LRRC69: variants seen among roughly 807,000 people sequenced by gnomAD.
LRRC69 encodes the protein leucine rich repeat containing 69.
LRRC69 carries 42 observed loss-of-function variants against 37.8 expected under a neutral mutation model. The observed-to-expected ratio is 1.11, with a 90% confidence interval of 0.87 to 1.44. The LOEUF (loss-of-function observed/expected upper bound fraction) is 1.44. Ranked by LOEUF, LRRC69 falls within the 40% of genes most tolerant of loss-of-function variation. The pLI is 0.00. For missense variants in LRRC69, 357 were observed against 401.9 expected, an observed-to-expected ratio of 0.89 and a Z score of 0.96; for synonymous variants, 141 against 143.1, an observed-to-expected ratio of 0.99 and a Z score of 0.11.
At chr8:91,140,067 G>A (rs891273450) in intron 5 of LRRC69, among the ~76,000 whole-genome samples, 4 of 139,678 alleles carry the variant, frequency 2.9e-5, no homozygotes, top group African/African-American at 1.1e-4. Flanking sequence ...CTCCAGCTTC[G>A]GCAGCAAAAG....
chr8:91,172,477 C>A (rs1389548705), intron 5 of LRRC69, among the ~76,000 whole-genome samples: 1 of 151,670 alleles, frequency 6.6e-6, no homozygotes, highest in African/African-American at 2.4e-5. Context: ...TTTTATAGTC[C>A]TGTTTTATCA....
intron 1 of LRRC69, among the ~76,000 whole-genome samples, chr8:91,110,021 C>G (rs569439703): frequency 6.6e-6 from 1 of 152,026 alleles, no homozygotes. Flanking sequence ...TCCTTCCATA[C>G]GTTGGCCATA....
rs1236760086 is a variant in LRRC69 at position 91,124,618 on chromosome 8, T to A, written c.309T>A (p.Cys103Ter). ...TCTGTAGATTTGCACCTGGAGCCTG[T>A]GGTAATTTAATCAACAAGGAACAAC... Residue 103 changes from cysteine (C) to a stop codon, truncating the protein, a stop_gained and splice_region_variant, in exon 2 of 8, where the codon TGT (cysteine) becomes TGA (stop). Coordinates refer to ENST00000448384, the Ensembl canonical transcript of LRRC69. LOFTEE classifies it high-confidence loss of function. 1 of 1,529,964 alleles carries A rather than the reference T, an allele frequency of 6.5e-7. No homozygotes were observed. Among genetic ancestry groups the A allele is most frequent in the African/African-American group, 1.4e-5 (1 of 71,830 alleles). The allele number at this position is 1,529,964 out of a possible 1,614,324, so 94.8% of individuals were successfully genotyped here. A position where few individuals can be genotyped will look rare whatever the true frequency, so the allele number is the denominator to read the frequency against.
intron 5 of LRRC69, among the ~76,000 whole-genome samples, chr8:91,139,821 G>C: frequency 6.6e-6 from 1 of 151,576 alleles, no homozygotes; most frequent in Non-Finnish European, 1.5e-5. Context: ...AGGCGCGGTG[G>C]CTTACGCCTG....
chr8:91,124,816 C>A (rs1203535064), intron 2 of LRRC69, 197 bp downstream of exon 2: 2 of 448,568 alleles, frequency 4.5e-6, no homozygotes, highest in Non-Finnish European at 3.8e-6. Flanking sequence ...ACATGTAGAC[C>A]TAAGAAAATA....
At chr8:91,143,103 T>C (rs1244148446) in intron 5 of LRRC69, among the ~76,000 whole-genome samples, 3 of 152,102 alleles carry the variant, frequency 2.0e-5, no homozygotes, top group Non-Finnish European at 4.4e-5. Context: ...ACTCGGTGCA[T>C]ATATGCCACG....
At chr8:91,197,541 C>T (rs543728038) in intron 6 of LRRC69, among the ~76,000 whole-genome samples, 65 of 152,286 alleles carry the variant, frequency 4.3e-4, no homozygotes, top group African/African-American at 1.4e-3. Context: ...GATATTATCT[C>T]GTGGTGCGCC....
intron 5 of LRRC69, among the ~76,000 whole-genome samples, chr8:91,161,287 G>T (rs959129676): frequency 1.3e-5 from 2 of 151,226 alleles, no homozygotes; most frequent in South Asian, 2.1e-4. Context: ...TGTGGTTTTG[G>T]TATAAGGGAA....
intron 7 of LRRC69, among the ~76,000 whole-genome samples, chr8:91,208,058 A>C (rs1354894639): frequency 6.6e-6 from 1 of 152,122 alleles, no homozygotes; most frequent in African/African-American, 2.4e-5. Flanking sequence ...TCCTCTTCTC[A>C]TAAGGATGTC....
chr8:91,196,548 T>C (rs575788421), intron 6 of LRRC69, among the ~76,000 whole-genome samples: 345 of 152,294 alleles, frequency 2.3e-3, no homozygotes, highest in African/African-American at 8.1e-3. Context: ...TCATTTCTTT[T>C]TATTCTTTTT....
intron 5 of LRRC69, chr8:91,158,523 G>A: frequency 8.8e-7 from 1 of 1,132,806 alleles, no homozygotes. Flanking sequence ...AATGGGCGAT[G>A]AAATAGACTT....
At chr8:91,202,552 A>C (rs1357871400) in intron 7 of LRRC69, among the ~76,000 whole-genome samples, 1 of 152,210 alleles carries the variant, frequency 6.6e-6, no homozygotes, top group Non-Finnish European at 1.5e-5. Context: ...GTCAGGTAGA[A>C]TTGTGGAAGA....
At position 91,170,569 on chromosome 8, in the gene LRRC69, C is replaced by T. The variant is rs2130581042; in HGVS notation, c.652-18953C>T. Among the ~76,000 whole-genome samples the T allele has an allele frequency of 2.7e-5, 2 of 73,952 alleles. 1 individual carries two copies. Among genetic ancestry groups the T allele is most frequent in the East Asian group, 6.3e-4 (2 of 3,156 alleles). The allele number at this position is 73,952 out of a possible 152,430, so 48.5% of individuals were successfully genotyped here. A position where few individuals can be genotyped will look rare whatever the true frequency, so the allele number is the denominator to read the frequency against. On this transcript the variant is annotated intron_variant, in intron 5 of 7. Coordinates refer to ENST00000448384, the Ensembl canonical transcript of LRRC69. ...CAAAACAGAGATATAGTCAATGGAACAGAACAGAGCCCTCAGAAATAACGC... is the reference window on the plus strand; with the variant it reads ...CAAAACAGAGATATAGTCAATGGAATAGAACAGAGCCCTCAGAAATAACGC...
chr8:91,158,527 T>TA lies in LRRC69; in HGVS notation c.651+22789dup, dbSNP rs1808880484. The TA allele has an allele frequency of 5.3e-6, 6 of 1,133,180 alleles. No homozygotes were observed. The African/African-American group carries it at 6.1e-5, about 12-fold the overall frequency. The allele number at this position is 1,133,180 out of a possible 1,614,324, so 70.2% of individuals were successfully genotyped here. A position where few individuals can be genotyped will look rare whatever the true frequency, so the allele number is the denominator to read the frequency against. On this transcript the variant is annotated intron_variant, in intron 5 of 7. Transcript: ENST00000448384. Reference sequence around the variant, plus strand: ...GAGATGAAGCCAATGGGCGATGAAATAGACTTACACACTGTACATTTTCAC... The same window carrying TA: ...GAGATGAAGCCAATGGGCGATGAAATAAGACTTACACACTGTACATTTTCAC...
intron 5 of LRRC69, among the ~76,000 whole-genome samples, chr8:91,155,214 AC>A (rs1808812284): frequency 6.7e-6 from 1 of 149,158 alleles, no homozygotes; most frequent in South Asian, 2.1e-4. Flanking sequence ...TATTATTTTA[AC>A]TGACTACCCT....
intron 5 of LRRC69, among the ~76,000 whole-genome samples, chr8:91,154,810 G>A (rs1808803871): frequency 6.6e-6 from 1 of 151,548 alleles, no homozygotes; most frequent in Admixed American, 6.6e-5. Flanking sequence ...TTGGAAACTG[G>A]CACAAGACAA....
intron 7 of LRRC69, among the ~76,000 whole-genome samples, chr8:91,206,358 C>T (rs1170593843): frequency 1.3e-5 from 2 of 152,002 alleles, no homozygotes; most frequent in Non-Finnish European, 2.9e-5. Flanking sequence ...CCAGCTGGAC[C>T]TTAAATACAA....
chr8:91,135,635 T>TA lies in LRRC69; in HGVS notation c.580-27dup, dbSNP rs551248833. On this transcript the variant is annotated intron_variant, in intron 4 of 7. Transcript: ENST00000448384. ...TCCTTATGATTTTAAATATTAGATT[T>TA]AAAAAATCTCTCTCTTCTGTTTTCT... The TA allele has an allele frequency of 1.7e-4, 224 of 1,306,890 alleles. No individual in the cohort carries two copies. The African/African-American group carries it at 3.1e-3, about 18-fold the overall frequency. 81.0% of individuals were successfully genotyped at this position (1,306,890 alleles called of 1,614,324 possible). A position where few individuals can be genotyped will look rare whatever the true frequency, so the allele number is the denominator to read the frequency against.
At position 91,147,939 on chromosome 8, in the gene LRRC69, T is replaced by A. The variant is rs538232538; in HGVS notation, c.651+12200T>A. Among the ~76,000 whole-genome samples, 23 of 151,790 alleles carry A rather than the reference T, an allele frequency of 1.5e-4. No homozygotes were observed. The South Asian group carries it at 4.4e-3, about 29-fold the overall frequency. On this transcript the variant is annotated intron_variant, in intron 5 of 7. Coordinates refer to ENST00000448384, the Ensembl canonical transcript of LRRC69. ...GTATTCTCATTGTTCAGCTCCCACA[T>A]ATGAGTGAGAACATGCGGTGTTTGG...
Sources: allele counts gnomAD v4.1 joint callset (sites outside exome capture counted in the v4.1 genomes callset), GRCh38; gene constraint gnomAD v4.1.1; transcripts MANE v1.5; gene names NCBI Gene and HGNC (gene_info 2026-07-23, HGNC 2026-07-21).